Variants in NPHP3 observed in about 807,000 individuals in gnomAD.
NPHP3 encodes the protein nephrocystin 3.
In NPHP3, 123 loss-of-function variants were observed where a neutral mutation model predicts 171.9. The ratio of observed to expected loss-of-function variants is 0.72; its 90% CI spans 0.62 to 0.83. The LOEUF is 0.83. Ranked by LOEUF, NPHP3 falls within the 40% of genes least tolerant of loss-of-function variation. The pLI, the probability that NPHP3 is intolerant of heterozygous loss-of-function variation, is 0.00. For missense variants in NPHP3, 1,506 were observed against 1,591.9 expected (o/e 0.95, Z 0.92); for synonymous variants, 558 against 579.2 (o/e 0.96, Z 0.52).
At chr3:132,696,313 ATTTTTATAATTAAAAAG>A (rs1404327107) in intron 15 of NPHP3, among the ~76,000 whole-genome samples, 1 of 151,924 alleles carries the variant, frequency 6.6e-6, no homozygotes, top group Non-Finnish European at 1.5e-5. Context: ...AAATAGAACT[ATTTTTATAATTAAAAAG>A]TTTATCAGGA....
intron 7 of NPHP3, 75 bp from the exon 8 acceptor site, chr3:132,705,889 T>G: frequency 5.1e-6 from 4 of 778,364 alleles, no homozygotes. Context: ...ACTTTTATAC[T>G]GCTTATGTGA....
rs1939067062 is a variant in NPHP3, at chr3:132,682,827, A to C, written c.3697-9T>G. ...GCTTCAACGTGTTTTTTCTTATTAA[A>C]AAAAATGATAATGCTCATGCACACT... On this transcript the variant is annotated splice_polypyrimidine_tract_variant and intron_variant, in intron 25 of 26. Transcript: ENST00000337331. 3.9e-6 allele frequency: 6 copies of C among 1,519,346 alleles called. No individual in the cohort carries two copies. The highest frequency in any genetic ancestry group is 5.5e-6 in the Non-Finnish European group (6 of 1,093,764). The allele number at this position is 1,519,346 out of a possible 1,614,324, so 94.1% of individuals were successfully genotyped here. A position where few individuals can be genotyped will look rare whatever the true frequency, so the allele number is the denominator to read the frequency against.
chr3:132,698,267 C>G (rs1445581620), intron 13 of NPHP3, among the ~76,000 whole-genome samples: 1 of 152,070 alleles, frequency 6.6e-6, no homozygotes, highest in African/African-American at 2.4e-5. Context: ...GCATGAGCCA[C>G]TGCGCCCAGC....
intron 6 of NPHP3, among the ~76,000 whole-genome samples, chr3:132,710,965 C>T (rs1053725711): frequency 2.6e-5 from 4 of 152,232 alleles, no homozygotes; most frequent in Non-Finnish European, 5.9e-5. Context: ...CAAAACCATA[C>T]ATTTTGAGCT....
In NPHP3 at chr3:132,700,265, T is replaced by C. The variant is rs556667827; in HGVS notation, c.1743+69A>G. ...TACTGAAAATTGGTTTACCAGTAGG[T>C]ACTTATTAGTCCCAACAATTTCTGA... On this transcript the variant is annotated intron_variant, in intron 11 of 26. Transcript: ENST00000337331. The C allele has an allele frequency of 6.5e-4, 810 of 1,248,490 alleles. 10 individuals carry two copies. The South Asian group carries it at 9.2e-3, about 14-fold the overall frequency. 77.3% of individuals were successfully genotyped at this position (1,248,490 alleles called of 1,614,324 possible). A position where few individuals can be genotyped will look rare whatever the true frequency, so the allele number is the denominator to read the frequency against.
intron 1 of NPHP3, 134 bp from the exon 2 acceptor site, chr3:132,719,964 T>TA: frequency 2.8e-6 from 1 of 359,362 alleles, no homozygotes; most frequent in Non-Finnish European, 4.3e-6. Flanking sequence ...TTTTACCAAT[T>TA]ATCAGGAACT....
chr3:132,709,299 T>G, intron 6 of NPHP3, among the ~76,000 whole-genome samples: 1 of 115,074 alleles, frequency 8.7e-6, no homozygotes, highest in Non-Finnish European at 1.8e-5. Flanking sequence ...TTTTTTTTTT[T>G]TGAGACAGGG....
In NPHP3 at chr3:132,722,109, C is replaced by T. The variant is rs1402433942; in HGVS notation, c.247G>A (p.Glu83Lys). 1.9e-6 allele frequency: 3 copies of T among 1,606,630 alleles called. No homozygotes were observed. The African/African-American group carries it at 4.0e-5, about 21-fold the overall frequency. ...TACTCGGCCGCCGCGTACTCCAGCTCTGGCACCGACGAGCCAGTGGACTTG... is the reference window on the plus strand; with the variant it reads ...TACTCGGCCGCCGCGTACTCCAGCTTTGGCACCGACGAGCCAGTGGACTTG... ...SFKSTGSSVP[E>K]LEYAAAEYER... The change falls in exon 1 of 27, where the codon GAG becomes AAG. Residue 83 changes from glutamate to lysine, a missense_variant. Glu to Lys is a moderately conservative substitution (Grantham distance 56). Around this residue, in one of 3 missense-constraint regions of NPHP3, gnomAD observed 930 missense variants for 924.9 expected, o/e 1.01. Transcript: ENST00000337331.
At chr3:132,717,201 CAA>C in intron 3 of NPHP3, 1 of 333,936 alleles carries the variant, frequency 3.0e-6, no homozygotes, top group Non-Finnish European at 5.6e-6. Context: ...AAACATTTTA[CAA>C]AAAAAAATTC....
In NPHP3 at chr3:132,700,018, G is replaced by C; in HGVS notation, c.1787C>G (p.Pro596Arg). 1 of 1,614,096 alleles carries C rather than the reference G, an allele frequency of 6.2e-7. No homozygotes were observed. The highest frequency in any genetic ancestry group is 1.1e-5 in the South Asian group (1 of 91,084). ...TGGAAATTCTTCCAGAAGCTTAGCA[G>C]GATCCAGTGTCAGAGCAGAGACTGA... ...SWSVSALTLD[P>R]AKLLEEFPRW... Residue 596 changes from proline to arginine, a missense_variant, in exon 12 of 27, where the codon CCT becomes CGT. Pro to Arg is a moderately radical substitution (Grantham distance 103). Around this residue, in one of 3 missense-constraint regions of NPHP3, gnomAD observed 930 missense variants for 924.9 expected, o/e 1.01. Transcript: ENST00000337331.
Position 132,688,636 on chromosome 3 carries a change from C to T in NPHP3, c.3125+14G>A, listed in dbSNP as rs1939220828. On this transcript the variant is annotated intron_variant, in intron 21 of 26. Coordinates refer to ENST00000337331, the MANE Select transcript of NPHP3 (RefSeq NM_153240.5). ...CTGCATAAAATCAGGTATTACTGAT[C>T]TAAAAAATCTTACTTATTTTGTTTC... 1.9e-6 allele frequency: 3 copies of T among 1,584,336 alleles called. No homozygotes were observed. The highest frequency in any genetic ancestry group is 2.6e-6 in the Non-Finnish European group (3 of 1,157,304).
At chr3:132,682,854 G>T in intron 25 of NPHP3, 36 bp from the exon 26 acceptor site, 1 of 1,322,202 alleles carries the variant, frequency 7.6e-7, no homozygotes, top group Non-Finnish European at 1.1e-6. Context: ...ATGCACACTG[G>T]GTTTCTGAAA....
In NPHP3 at chr3:132,682,813, T is replaced by G. The variant is rs181255729; in HGVS notation, c.3702A>C (p.Lys1234Asn). 1.3e-6 allele frequency: 2 copies of G among 1,592,678 alleles called. No individual in the cohort carries two copies. Among genetic ancestry groups the G allele is most frequent in the Admixed American group, 1.7e-5 (1 of 59,994 alleles). The change falls in exon 26 of 27, where the codon AAA (lysine) becomes AAC (asparagine). Residue 1234 changes from lysine (K) to asparagine (N), a missense_variant. Physicochemically the swap from Lys to Asn is moderately conservative, Grantham distance 94. Around this residue, in one of 3 missense-constraint regions of NPHP3, gnomAD observed 569 missense variants for 648.1 expected, o/e 0.88. Coordinates refer to ENST00000337331, the MANE Select transcript of NPHP3 (RefSeq NM_153240.5). The part of the protein sequence containing the change: ...NLAVLYSQMK[K>N]HVEALPLYER... ...CATATAATGGCAAAGCTTCAACGTGTTTTTTCTTATTAAAAAAAATGATAA... is the reference window on the plus strand; with the variant it reads ...CATATAATGGCAAAGCTTCAACGTGGTTTTTCTTATTAAAAAAAATGATAA...
chr3:132,715,852 G>A (rs1417999737), intron 4 of NPHP3, among the ~76,000 whole-genome samples: 2 of 152,154 alleles, frequency 1.3e-5, no homozygotes, highest in Non-Finnish European at 2.9e-5. Flanking sequence ...TATTCTTTTG[G>A]ATATGAATAC....
intron 6 of NPHP3, among the ~76,000 whole-genome samples, chr3:132,710,613 G>T (rs1221409364): frequency 1.3e-5 from 2 of 152,232 alleles, no homozygotes; most frequent in East Asian, 1.9e-4. Context: ...CATGAGCAAA[G>T]AATTCCTCAT....
intron 15 of NPHP3, 32 bp downstream of exon 15, chr3:132,696,699 G>C: frequency 6.3e-7 from 1 of 1,592,326 alleles, no homozygotes; most frequent in Non-Finnish European, 8.6e-7. Flanking sequence ...CACAAAACAT[G>C]CAGAAGATCA....
At chr3:132,683,608 T>A in intron 24 of NPHP3, 84 bp from the exon 25 acceptor site, 2 of 1,108,364 alleles carry the variant, frequency 1.8e-6, no homozygotes, top group Non-Finnish European at 2.6e-6. Flanking sequence ...TAAAATTTCA[T>A]ATTAAAGGGT....
At chr3:132,682,653 G>C in intron 26 of NPHP3, 50 bp downstream of exon 26, 4 of 1,057,038 alleles carry the variant, frequency 3.8e-6, no homozygotes, top group Non-Finnish European at 6.0e-6. Context: ...CTAAGACAAA[G>C]CTACTTCGAA....
intron 5 of NPHP3, among the ~76,000 whole-genome samples, chr3:132,714,741 C>A (rs915251289): frequency 6.6e-6 from 1 of 151,908 alleles, no homozygotes; most frequent in Non-Finnish European, 1.5e-5. Context: ...AACAAGCAAA[C>A]AAACACACAA....
Sources: gnomAD v4.1 joint callset for allele counts (sites outside exome capture counted in the v4.1 genomes callset) on GRCh38, gnomAD v4.1.1 for gene constraint, gnomAD v4.1.1 regional missense constraint, MANE v1.5 for transcripts, NCBI Gene and HGNC (gene_info 2026-07-23, HGNC 2026-07-21) for gene names.